SIRPG: variants seen among roughly 807,000 people sequenced by gnomAD.
SIRPG encodes the protein signal-regulatory protein gamma.
Under a neutral mutation model 35.7 loss-of-function variants are expected in SIRPG, and 38 were observed. The ratio of observed to expected loss-of-function variants is 1.06; its 90% CI spans 0.82 to 1.40. The LOEUF is 1.40. SIRPG is among the 40% of genes most tolerant of loss of function. SIRPG has a pLI of 0.00. For synonymous variants in SIRPG, 215 were observed against 190.4 expected (o/e 1.13, Z -1.06); for missense variants, 519 against 483.0 (o/e 1.07, Z -0.70).
intron 1 of SIRPG, among the ~76,000 whole-genome samples, chr20:1,652,541 A>G (rs2091947122): frequency 6.6e-6 from 1 of 152,256 alleles, no homozygotes; most frequent in East Asian, 1.9e-4. Context: ...GTATGTTTCA[A>G]TATACAAATG....
intron 1 of SIRPG, among the ~76,000 whole-genome samples, chr20:1,649,840 G>T (rs969491563): frequency 6.7e-6 from 1 of 150,228 alleles, no homozygotes; most frequent in African/African-American, 2.4e-5. Context: ...ACACCATTCT[G>T]CTCAGGTTGC....
chr20:1,658,592 A>G (rs118141092), upstream of SIRPG, among the ~76,000 whole-genome samples: 1,386 of 152,234 alleles, frequency 9.1e-3, 20 homozygotes, highest in Non-Finnish European at 0.012. Context: ...TGTGCCAAGG[A>G]GTTGGGGAAG....
At chr20:1,671,151 T>C in the SIRPG span, 1 of 390,550 alleles carries the variant, frequency 2.6e-6, no homozygotes, top group Non-Finnish European at 5.2e-6. Flanking sequence ...TATGCTCAGC[T>C]GTGGTCCTCA....
chr20:1,647,240 C>G (rs1393336652), intron 2 of SIRPG: 1 of 152,950 alleles, frequency 6.5e-6, no homozygotes, highest in African/African-American at 2.4e-5. Flanking sequence ...TGGCCCCCTT[C>G]CCTGCCTCCC....
chr20:1,660,142 G>A (rs1299130974), upstream of SIRPG, among the ~76,000 whole-genome samples: 1 of 151,994 alleles, frequency 6.6e-6, no homozygotes, highest in African/African-American at 2.4e-5. Context: ...ACAGAAATAG[G>A]CGGGCATGAG....
At chr20:1,668,115 C>G in the SIRPG span, among the ~76,000 whole-genome samples, 1 of 151,608 alleles carries the variant, frequency 6.6e-6, no homozygotes, top group African/African-American at 2.4e-5. Context: ...TTCACAGGAG[C>G]CCTTTCTTTC....
At chr20:1,670,970 G>T in the SIRPG span, 1 of 347,462 alleles carries the variant, frequency 2.9e-6, no homozygotes, top group South Asian at 2.7e-5. Flanking sequence ...TGAAGGCAAA[G>T]GTCTCCAGAG....
intron 2 of SIRPG, among the ~76,000 whole-genome samples, chr20:1,645,181 G>C (rs1285912293): frequency 6.6e-6 from 1 of 152,142 alleles, no homozygotes; most frequent in African/African-American, 2.4e-5. Context: ...TACTGTGGGA[G>C]GGGTCCTGGC....
At chr20:1,655,816 T>C (rs1413722897) in intron 1 of SIRPG, among the ~76,000 whole-genome samples, 1 of 152,062 alleles carries the variant, frequency 6.6e-6, no homozygotes, top group Non-Finnish European at 1.5e-5. Context: ...TAAAATAAAA[T>C]ATTTATTTTG....
intron 1 of SIRPG, among the ~76,000 whole-genome samples, chr20:1,650,257 C>T (rs1233009759): frequency 1.3e-5 from 2 of 151,608 alleles, no homozygotes; most frequent in African/African-American, 4.9e-5. Flanking sequence ...TATAAGGACC[C>T]TTCTGATATG....
At chr20:1,665,313 G>A in the SIRPG span, 1 of 168,742 alleles carries the variant, frequency 5.9e-6, no homozygotes, top group South Asian at 1.4e-4. Context: ...ATGTTAGATG[G>A]CAGAGACATC....
Position 1,649,421 on chromosome 20 carries a change from A to G in SIRPG, c.74-13T>C, listed in dbSNP as rs1298865541. On this transcript the variant is annotated splice_polypyrimidine_tract_variant and intron_variant, in intron 1 of 5. Transcript: ENST00000303415. ...TCACCTGCCACTTCTGAAAAGGAGCACAAAGCAATCATTTTTTCATCCTTA... is the reference window on the plus strand; with the variant it reads ...TCACCTGCCACTTCTGAAAAGGAGCGCAAAGCAATCATTTTTTCATCCTTA... The G allele has an allele frequency of 6.3e-7, 1 of 1,584,250 alleles. No individual in the cohort carries two copies. The highest frequency in any genetic ancestry group is 1.4e-5 in the African/African-American group (1 of 73,732).
At chr20:1,636,100 C>T in intron 3 of SIRPG, 88 bp downstream of exon 3, 3 of 1,575,676 alleles carry the variant, frequency 1.9e-6, no homozygotes, top group South Asian at 1.1e-5. Context: ...GATTACAGGC[C>T]ATTCAACCTC....
At chr20:1,672,918 A>G in the SIRPG span, among the ~76,000 whole-genome samples, 1 of 152,168 alleles carries the variant, frequency 6.6e-6, no homozygotes, top group African/African-American at 2.4e-5. Context: ...AGTTAACTAC[A>G]AGAAACACAG....
chr20:1,681,349 C>G, the SIRPG span, among the ~76,000 whole-genome samples: 1 of 152,178 alleles, frequency 6.6e-6, no homozygotes, highest in Non-Finnish European at 1.5e-5. Context: ...AGTGCCTGAG[C>G]TCAAATCATA....
At chr20:1,683,139 A>G in the SIRPG span, among the ~76,000 whole-genome samples, 1 of 152,232 alleles carries the variant, frequency 6.6e-6, no homozygotes, top group Non-Finnish European at 1.5e-5. Flanking sequence ...CAGCAGGCAT[A>G]TAAAAAATAC....
At chr20:1,631,548 C>CAGCT (rs1286117294) in intron 4 of SIRPG, among the ~76,000 whole-genome samples, 2 of 152,224 alleles carry the variant, frequency 1.3e-5, no homozygotes, top group African/African-American at 4.8e-5. Context: ...GCTGACCCTA[C>CAGCT]AGCTCTTCAG....
intron 2 of SIRPG, chr20:1,647,052 G>C (rs1444588142): frequency 6.6e-6 from 1 of 152,412 alleles, no homozygotes; most frequent in African/African-American, 2.4e-5. Context: ...ATCTGAGTGA[G>C]TGTTGCAGAG....
chr20:1,630,351 G>A lies in SIRPG; in HGVS notation c.1082-45C>T, dbSNP rs1469142569. On this transcript the variant is annotated intron_variant, in intron 4 of 5. Coordinates refer to ENST00000303415, the MANE Select transcript of SIRPG (RefSeq NM_018556.4). ...AGGGGCTATGAGAGAGACCACTTGG[G>A]AGGCCATTGTAGGGGCCTCCACTTA... 6 of 1,487,924 alleles carry A rather than the reference G, an allele frequency of 4.0e-6. No individual in the cohort carries two copies. The South Asian group carries it at 4.9e-5, about 12-fold the overall frequency. The allele number at this position is 1,487,924 out of a possible 1,614,324, so 92.2% of individuals were successfully genotyped here. A position where few individuals can be genotyped will look rare whatever the true frequency, so the allele number is the denominator to read the frequency against.
Sources: allele counts gnomAD v4.1 joint callset (sites outside exome capture counted in the v4.1 genomes callset), GRCh38; gene constraint gnomAD v4.1.1; transcripts MANE v1.5; gene names NCBI Gene and HGNC (gene_info 2026-07-23, HGNC 2026-07-21).